IMMP2L: variants seen among roughly 807,000 people sequenced by gnomAD.
IMMP2L encodes inner mitochondrial membrane peptidase subunit 2, also known as mitochondrial inner membrane protease subunit 2.
IMMP2L carries 18 observed loss-of-function variants against 19.3 expected under a neutral mutation model. The ratio of observed to expected loss-of-function variants is 0.93; its 90% CI spans 0.64 to 1.38. The LOEUF is 1.38. IMMP2L is among the 40% of genes most tolerant of loss of function. The probability of loss-of-function intolerance (pLI) is 0.00; values close to 1 mark genes in which losing one functional copy is unlikely to be tolerated. For synonymous variants in IMMP2L, 76 were observed against 73.0 expected (o/e 1.04, Z -0.21); for missense variants, 233 against 218.2 (o/e 1.07, Z -0.43).
intron 5 of IMMP2L, among the ~76,000 whole-genome samples, chr7:110,692,691 T>C (rs1793603449): frequency 6.6e-6 from 1 of 152,124 alleles, no homozygotes; most frequent in Non-Finnish European, 1.5e-5. Flanking sequence ...ATTATAGCTG[T>C]GGGGAAAAAT....
At chr7:110,714,788 G>A (rs1467293490) in intron 5 of IMMP2L, among the ~76,000 whole-genome samples, 1 of 152,148 alleles carries the variant, frequency 6.6e-6, no homozygotes, top group Non-Finnish European at 1.5e-5. Flanking sequence ...GTAGGGACAG[G>A]GTTTTGCCAT....
In IMMP2L at chr7:111,521,372, C is replaced by T; in HGVS notation, c.76G>A (p.Ala26Thr). The change falls in exon 2 of 6, where the codon GCA (alanine) becomes ACA (threonine). Residue 26 changes from alanine to threonine, a missense_variant. Physicochemically the swap from Ala to Thr is moderately conservative, Grantham distance 58 (BLOSUM62 0). Coordinates refer to ENST00000405709, the MANE Select transcript of IMMP2L (RefSeq NM_032549.4). ...GCGACCCGATCCAAGAAAGTCACTG[C>T]CACAGGCACCGCCACAAAGAAGCCT... The part of the protein sequence containing the change: ...CKGFFVAVPV[A>T]VTFLDRVACV... 1 of 1,613,224 alleles carries T rather than the reference C, an allele frequency of 6.2e-7. No homozygotes were observed. The highest frequency in any genetic ancestry group is 8.5e-7 in the Non-Finnish European group (1 of 1,179,470).
intron 5 of IMMP2L, among the ~76,000 whole-genome samples, chr7:110,802,108 T>G (rs1029005561): frequency 9.9e-5 from 15 of 152,094 alleles, no homozygotes; most frequent in African/African-American, 2.9e-4. Flanking sequence ...AAATTTGAAC[T>G]AAATCCAAGT....
intron 3 of IMMP2L, among the ~76,000 whole-genome samples, chr7:110,995,878 C>A (rs1822976482): frequency 1.3e-5 from 2 of 152,100 alleles, no homozygotes; most frequent in Admixed American, 1.3e-4. Flanking sequence ...AAATATAATT[C>A]TACAGGTTAG....
intron 5 of IMMP2L, among the ~76,000 whole-genome samples, chr7:110,847,118 G>C (rs1202530957): frequency 6.6e-6 from 1 of 152,084 alleles, no homozygotes; most frequent in East Asian, 1.9e-4. Context: ...AAAAAATATT[G>C]CATGTGAACT....
chr7:111,462,567 A>G (rs562460427), intron 3 of IMMP2L, among the ~76,000 whole-genome samples: 3 of 152,266 alleles, frequency 2.0e-5, no homozygotes, highest in Admixed American at 6.5e-5. Flanking sequence ...GGTACGGGTG[A>G]CAATACAAGC....
At chr7:111,235,632 T>G (rs78016082) in intron 3 of IMMP2L, among the ~76,000 whole-genome samples, 1,625 of 152,220 alleles carry the variant, frequency 0.011, 33 homozygotes, top group African/African-American at 0.036. Flanking sequence ...CTTTTAAGAT[T>G]TTCTCATTAT....
chr7:110,983,915 C>G (rs779967051), intron 3 of IMMP2L, among the ~76,000 whole-genome samples: 6 of 151,924 alleles, frequency 3.9e-5, no homozygotes, highest in Non-Finnish European at 8.8e-5. Context: ...ACTATCTCCC[C>G]CAAAATAGCA....
At chr7:110,999,861 G>T (rs902810142) in intron 3 of IMMP2L, among the ~76,000 whole-genome samples, 1 of 152,044 alleles carries the variant, frequency 6.6e-6, no homozygotes, top group African/African-American at 2.4e-5. Context: ...TTTTGACTGG[G>T]GTATTTGTGT....
At chr7:111,054,544 C>T (rs1221558252) in intron 3 of IMMP2L, among the ~76,000 whole-genome samples, 2 of 152,238 alleles carry the variant, frequency 1.3e-5, no homozygotes, top group Non-Finnish European at 2.9e-5. Context: ...ACCTAAATCC[C>T]TGCAGACATC....
chr7:111,190,809 A>G (rs776916818), intron 3 of IMMP2L, among the ~76,000 whole-genome samples: 48 of 152,128 alleles, frequency 3.2e-4, no homozygotes, highest in Admixed American at 3.1e-3. Flanking sequence ...ATTTGTGTAT[A>G]ACATCATGTG....
At chr7:111,407,650 G>T (rs1027634972) in intron 3 of IMMP2L, among the ~76,000 whole-genome samples, 1 of 151,912 alleles carries the variant, frequency 6.6e-6, no homozygotes, top group South Asian at 2.1e-4. Flanking sequence ...GGAGGTAGGG[G>T]TAAGAAATAA....
chr7:111,313,877 G>A (rs912780367), intron 3 of IMMP2L, among the ~76,000 whole-genome samples: 2 of 152,100 alleles, frequency 1.3e-5, no homozygotes, highest in African/African-American at 4.8e-5. Context: ...CTGGTGGGAG[G>A]TGTTTGGATC....
At chr7:111,056,912 C>A (rs1793561544) in intron 3 of IMMP2L, among the ~76,000 whole-genome samples, 2 of 151,978 alleles carry the variant, frequency 1.3e-5, no homozygotes, top group South Asian at 4.2e-4. Context: ...GAGGAAAATC[C>A]ACATATAAAT....
chr7:110,971,030 T>C (rs967432322), intron 3 of IMMP2L, among the ~76,000 whole-genome samples: 2 of 152,158 alleles, frequency 1.3e-5, no homozygotes, highest in African/African-American at 4.8e-5. Context: ...CCATATCCAT[T>C]GCCATCTATA....
intron 5 of IMMP2L, among the ~76,000 whole-genome samples, chr7:110,754,674 A>C (rs11764521): frequency 1.8e-3 from 279 of 152,230 alleles, no homozygotes; most frequent in Non-Finnish European, 3.3e-3. Context: ...AATTATAATC[A>C]AACTCATAAA....
intron 5 of IMMP2L, among the ~76,000 whole-genome samples, chr7:110,732,663 C>A (rs902498486): frequency 9.9e-5 from 15 of 152,062 alleles, no homozygotes; most frequent in Non-Finnish European, 1.5e-5. Context: ...AGGAAAATGT[C>A]TTCAATTTTT....
chr7:110,769,528 G>A (rs1798899875), intron 5 of IMMP2L, among the ~76,000 whole-genome samples: 1 of 152,118 alleles, frequency 6.6e-6, no homozygotes, highest in South Asian at 2.1e-4. Flanking sequence ...GCAGAGAAGA[G>A]AGGAAGTAAA....
chr7:110,717,789 A>T (rs539541698), intron 5 of IMMP2L, among the ~76,000 whole-genome samples: 22 of 152,344 alleles, frequency 1.4e-4, no homozygotes, highest in African/African-American at 4.8e-4. Context: ...ATTGAGATGG[A>T]TAGAGGAGCA....
Sources: gnomAD v4.1 joint callset for allele counts (sites outside exome capture counted in the v4.1 genomes callset) on GRCh38, gnomAD v4.1.1 for gene constraint, MANE v1.5 for transcripts, NCBI Gene and HGNC (gene_info 2026-07-23, HGNC 2026-07-21) for gene names.